Variants in SMARCC1 observed in about 807,000 individuals in gnomAD.
SMARCC1 encodes SWI/SNF related BAF chromatin remodeling complex subunit C1.
SMARCC1 carries 43 observed loss-of-function variants against 147.4 expected under a neutral mutation model. The ratio of observed to expected loss-of-function variants is 0.29; its 90% CI spans 0.23 to 0.38. The LOEUF (loss-of-function observed/expected upper bound fraction) is 0.38, where lower values mean the gene tolerates loss of function less well. Ranked by LOEUF, SMARCC1 falls within the 10% of genes least tolerant of loss-of-function variation. The probability of loss-of-function intolerance (pLI) is 1.00; values close to 1 mark genes in which losing one functional copy is unlikely to be tolerated. For missense variants in SMARCC1, 1,119 were observed against 1,381.1 expected, an observed-to-expected ratio of 0.81 and a Z score of 3.01; for synonymous variants, 495 against 484.4, an observed-to-expected ratio of 1.02 and a Z score of -0.29.
At chr3:47,610,446 C>T (rs1036549722) in intron 25 of SMARCC1, 119 bp from the exon 26 acceptor site, 2 of 1,005,784 alleles carry the variant, frequency 2.0e-6, no homozygotes, top group Non-Finnish European at 3.1e-6. Flanking sequence ...GACATCACCA[C>T]CTCACTTCCT....
intron 26 of SMARCC1, among the ~76,000 whole-genome samples, chr3:47,605,995 T>TAA (rs141367577): frequency 4.9e-4 from 64 of 131,180 alleles, no homozygotes; most frequent in African/African-American, 5.1e-4. Context: ...ATAAAGGAAG[T>TAA]AAAAAAAAAA....
intron 18 of SMARCC1, among the ~76,000 whole-genome samples, 196 bp downstream of exon 18, chr3:47,675,279 C>T (rs1334095551): frequency 6.6e-6 from 1 of 152,134 alleles, no homozygotes; most frequent in Non-Finnish European, 1.5e-5. Context: ...TCAAATTCTC[C>T]ATTTTCCCCT....
intron 24 of SMARCC1, among the ~76,000 whole-genome samples, chr3:47,625,211 G>C (rs953406139): frequency 6.7e-6 from 1 of 148,436 alleles, no homozygotes. Flanking sequence ...TGTAATCCCA[G>C]CACTTCAGGA....
intron 3 of SMARCC1, among the ~76,000 whole-genome samples, chr3:47,740,090 G>A (rs928756678): frequency 6.8e-6 from 1 of 147,284 alleles, no homozygotes; most frequent in Non-Finnish European, 1.5e-5. Flanking sequence ...GGCTGGACTC[G>A]AACTCCTGAC....
chr3:47,643,038 C>T (rs2033069814), intron 21 of SMARCC1, among the ~76,000 whole-genome samples: 1 of 152,046 alleles, frequency 6.6e-6, no homozygotes, highest in African/African-American at 2.4e-5. Context: ...AGAGCGAGAC[C>T]CTGTCTGAAA....
chr3:47,737,957 C>A, intron 4 of SMARCC1, 72 bp downstream of exon 4: 1 of 1,135,490 alleles, frequency 8.8e-7, no homozygotes, highest in East Asian at 2.7e-5. Context: ...GCCACCGCGC[C>A]TGGCCAGCCA....
intron 22 of SMARCC1, among the ~76,000 whole-genome samples, chr3:47,637,318 T>C (rs992674816): frequency 2.0e-5 from 3 of 152,250 alleles, no homozygotes; most frequent in Non-Finnish European, 4.4e-5. Context: ...TATACAATTT[T>C]AGAATACCAC....
intron 21 of SMARCC1, among the ~76,000 whole-genome samples, chr3:47,643,269 C>T (rs1000950602): frequency 3.9e-5 from 6 of 152,102 alleles, no homozygotes; most frequent in East Asian, 1.9e-4. Flanking sequence ...GTCGGCTGGT[C>T]GACCAATCAC....
chr3:47,641,540 A>G (rs2033047354), intron 21 of SMARCC1, among the ~76,000 whole-genome samples: 1 of 152,194 alleles, frequency 6.6e-6, no homozygotes, highest in Non-Finnish European at 1.5e-5. Flanking sequence ...TAAAATGTGC[A>G]CAGACTAAAA....
chr3:47,740,178 CTTTTTTTTTT>C (rs34523367), intron 3 of SMARCC1, among the ~76,000 whole-genome samples: 1,056 of 35,758 alleles, frequency 0.03, 32 homozygotes, highest in African/African-American at 0.078. Context: ...GCCCGGCCAT[CTTTTTTTTTT>C]TTTTTTTTTT....
chr3:47,697,378 G>A (rs958918814), intron 11 of SMARCC1, among the ~76,000 whole-genome samples: 1 of 151,020 alleles, frequency 6.6e-6, no homozygotes, highest in Admixed American at 6.6e-5. Flanking sequence ...GTGGCTCACT[G>A]CAACCTCCGC....
In SMARCC1 at chr3:47,662,192, T is replaced by C. The variant is rs1175177567; in HGVS notation, c.2158+142A>G. 9 of 784,258 alleles carry C rather than the reference T, an allele frequency of 1.1e-5. No individual in the cohort carries two copies. In the South Asian group the frequency reaches 1.5e-4, roughly 13 times the overall value. 48.6% of individuals were successfully genotyped at this position (784,258 alleles called of 1,614,324 possible). ...TGTCCAGCCAAATATTGTAATACTTTTATAAAGAATATGGTATCTTTCACA... is the reference window on the plus strand; with the variant it reads ...TGTCCAGCCAAATATTGTAATACTTCTATAAAGAATATGGTATCTTTCACA... On this transcript the variant is annotated intron_variant, in intron 20 of 27. Transcript: ENST00000254480.
chr3:47,628,034 T>C (rs928411891), intron 24 of SMARCC1, among the ~76,000 whole-genome samples: 4 of 151,620 alleles, frequency 2.6e-5, no homozygotes, highest in Non-Finnish European at 5.9e-5. Context: ...AACATCTTTA[T>C]AGCATGTCTC....
intron 2 of SMARCC1, among the ~76,000 whole-genome samples, chr3:47,754,508 T>C (rs1340237420): frequency 6.6e-6 from 1 of 152,154 alleles, no homozygotes; most frequent in Admixed American, 6.6e-5. Context: ...GCCTGAACTT[T>C]ACTCTTTTAC....
intron 21 of SMARCC1, among the ~76,000 whole-genome samples, chr3:47,656,585 G>A (rs1388124352): frequency 6.6e-6 from 1 of 152,062 alleles, no homozygotes; most frequent in African/African-American, 2.4e-5. Context: ...GAAACAAAGA[G>A]ACTGAAAGTA....
intron 21 of SMARCC1, among the ~76,000 whole-genome samples, chr3:47,641,316 G>A (rs776952494): frequency 1.3e-5 from 2 of 152,032 alleles, no homozygotes; most frequent in African/African-American, 2.4e-5. Context: ...GTGAAACCCC[G>A]TGTCCACAAA....
chr3:47,681,124 A>G (rs542195531), intron 14 of SMARCC1, among the ~76,000 whole-genome samples: 26 of 152,342 alleles, frequency 1.7e-4, no homozygotes, highest in African/African-American at 5.5e-4. Flanking sequence ...ATAAGAAGCC[A>G]TAAGATATGA....
chr3:47,710,665 CTG>C lies in SMARCC1; in HGVS notation c.918+16_918+17del. ...AGAAGACAGACTTAATGATGAGAAA[CTG>C]TGCCAAAGAAAATACCTCTTCATTC... On this transcript the variant is annotated intron_variant, in intron 9 of 27. Transcript: ENST00000254480. 6.2e-7 allele frequency: 1 copy of C among 1,610,840 alleles called. No individual in the cohort carries two copies. The highest frequency in any genetic ancestry group is 8.5e-7 in the Non-Finnish European group (1 of 1,178,734).
rs552068612 is a variant in SMARCC1, at chr3:47,781,477, C to G, written c.195+126G>C. ...GCGGGCGGCGGGGGCGTGGCGGGCC[C>G]GGCGCCTGCCTTTGTTGTCCCTCGT... On this transcript the variant is annotated intron_variant, in intron 1 of 27. Coordinates refer to ENST00000254480, the MANE Select transcript of SMARCC1 (RefSeq NM_003074.4). 28 of 578,764 alleles carry G rather than the reference C, an allele frequency of 4.8e-5. No individual in the cohort carries two copies. The South Asian group carries it at 1.5e-3, about 32-fold the overall frequency. 35.9% of individuals were successfully genotyped at this position (578,764 alleles called of 1,614,324 possible).
Sources: allele counts gnomAD v4.1 joint callset (sites outside exome capture counted in the v4.1 genomes callset), GRCh38; gene constraint gnomAD v4.1.1; transcripts MANE v1.5; gene names NCBI Gene and HGNC (gene_info 2026-07-23, HGNC 2026-07-21).